Variants in ADCY5 observed in about 807,000 individuals in gnomAD.
ADCY5 encodes adenylate cyclase 5.
ADCY5 carries 30 observed loss-of-function variants against 119.7 expected under a neutral mutation model. That is an observed-to-expected ratio of 0.25 (90% CI 0.19 to 0.34). The LOEUF (loss-of-function observed/expected upper bound fraction) is 0.34, where lower values mean the gene tolerates loss of function less well. Among genes scored for constraint, ADCY5 ranks in the 10% least tolerant of loss-of-function variants. ADCY5 has a pLI of 1.00. For synonymous variants in ADCY5, 753 were observed against 762.2 expected (o/e 0.99, Z 0.20); for missense variants, 1,324 against 1,775.2 (o/e 0.75, Z 4.57).
intron 3 of ADCY5, among the ~76,000 whole-genome samples, chr3:123,345,565 G>T (rs1026724266): frequency 9.2e-5 from 14 of 152,158 alleles, no homozygotes; most frequent in South Asian, 2.1e-4. Flanking sequence ...GCTCGTATAT[G>T]TTGGGACCAC....
At chr3:123,442,790 C>T (rs1445709888) in intron 1 of ADCY5, among the ~76,000 whole-genome samples, 1 of 152,180 alleles carries the variant, frequency 6.6e-6, no homozygotes, top group Non-Finnish European at 1.5e-5. Flanking sequence ...CACTTCTGCT[C>T]TCCTCCAAAT....
At chr3:123,400,562 T>A (rs1451890665) in intron 1 of ADCY5, among the ~76,000 whole-genome samples, 1 of 152,170 alleles carries the variant, frequency 6.6e-6, no homozygotes, top group Non-Finnish European at 1.5e-5. Flanking sequence ...ATATGGTAAA[T>A]CCCTTTAATG....
chr3:123,409,466 A>C (rs767514966), intron 1 of ADCY5, among the ~76,000 whole-genome samples: 1 of 152,198 alleles, frequency 6.6e-6, no homozygotes, highest in Non-Finnish European at 1.5e-5. Flanking sequence ...TAAAGGTGGG[A>C]TGCAGCTTTC....
intron 1 of ADCY5, among the ~76,000 whole-genome samples, chr3:123,390,702 T>C (rs565688941): frequency 2.0e-5 from 3 of 152,176 alleles, no homozygotes; most frequent in African/African-American, 7.2e-5. Flanking sequence ...CATAATCCCA[T>C]GGTGATCCTG....
At chr3:123,313,289 G>A (rs919279266) in intron 12 of ADCY5, among the ~76,000 whole-genome samples, 3 of 152,214 alleles carry the variant, frequency 2.0e-5, no homozygotes, top group African/African-American at 7.2e-5. Flanking sequence ...TCTCTGGAGG[G>A]TGGAGAGAGA....
rs969688643 is a variant in ADCY5 at position 123,284,400 on chromosome 3, G to A, written c.*208C>T. ...GAGGGAAACATCTTTGGTCAGCTGG[G>A]TGCTCGCAGGACGCTGGCACCCCGG... On this transcript the variant is annotated 3_prime_UTR_variant, in exon 21 of 21. Coordinates refer to ENST00000462833, the MANE Select transcript of ADCY5 (RefSeq NM_183357.3). 6 of 670,144 alleles carry A rather than the reference G, an allele frequency of 9.0e-6. No homozygotes were observed. The African/African-American group carries it at 1.1e-4, about 12-fold the overall frequency. 41.5% of individuals were successfully genotyped at this position (670,144 alleles called of 1,614,324 possible).
At chr3:123,334,332 C>T (rs1941924682) in intron 3 of ADCY5, among the ~76,000 whole-genome samples, 2 of 152,182 alleles carry the variant, frequency 1.3e-5, no homozygotes, top group Non-Finnish European at 2.9e-5. Context: ...TGTGCTCCTT[C>T]CCAGGCACCT....
intron 12 of ADCY5, among the ~76,000 whole-genome samples, chr3:123,313,526 T>C (rs1940706580): frequency 6.6e-6 from 1 of 152,172 alleles, no homozygotes; most frequent in Admixed American, 6.5e-5. Context: ...CAGGGATTTC[T>C]GAAACCACTA....
rs59441110 is a variant in ADCY5 at position 123,348,036 on chromosome 3, AGTGT to A, written c.1285-137_1285-134del. 4.6e-3 allele frequency: 2,158 copies of A among 468,626 alleles called. 42 individuals are homozygous for A. Among genetic ancestry groups the A allele is most frequent in the African/African-American group, 0.042 (1,573 of 37,378 alleles). 29.0% of individuals were successfully genotyped at this position (468,626 alleles called of 1,614,324 possible). ...GCTCTCCCGGGACTCCTGGGTTAAC[AGTGT>A]GTGTGTGTGTGTGTGTGTGTGTGTC... On this transcript the variant is annotated intron_variant, in intron 2 of 20. Coordinates refer to ENST00000462833, the MANE Select transcript of ADCY5 (RefSeq NM_183357.3).
chr3:123,424,829 A>T (rs1442506269), intron 1 of ADCY5, among the ~76,000 whole-genome samples: 1 of 152,216 alleles, frequency 6.6e-6, no homozygotes, highest in East Asian at 1.9e-4. Context: ...GGGGAGCAAT[A>T]ATAGTTAATA....
chr3:123,316,529 G>A (rs1672683754), intron 11 of ADCY5, among the ~76,000 whole-genome samples: 1 of 152,212 alleles, frequency 6.6e-6, no homozygotes, highest in East Asian at 1.9e-4. Context: ...GATGCAGGAT[G>A]CACAGAATCC....
intron 18 of ADCY5, among the ~76,000 whole-genome samples, chr3:123,290,209 G>T (rs1316820770): frequency 6.6e-6 from 1 of 152,162 alleles, no homozygotes; most frequent in Non-Finnish European, 1.5e-5. Flanking sequence ...GAGCCCTGAA[G>T]ACAAGGTCAC....
chr3:123,446,472 T>C (rs977846850), intron 1 of ADCY5, among the ~76,000 whole-genome samples: 2 of 152,152 alleles, frequency 1.3e-5, no homozygotes, highest in African/African-American at 4.8e-5. Flanking sequence ...GAAGCAATCA[T>C]GGATGAGGAC....
intron 1 of ADCY5, among the ~76,000 whole-genome samples, chr3:123,401,568 A>G (rs1313031868): frequency 6.6e-6 from 1 of 152,232 alleles, no homozygotes; most frequent in Non-Finnish European, 1.5e-5. Flanking sequence ...GGCTACTAAC[A>G]GCTTTGCCCA....
At chr3:123,326,069 C>T (rs1941470078) in intron 7 of ADCY5, among the ~76,000 whole-genome samples, 2 of 152,166 alleles carry the variant, frequency 1.3e-5, no homozygotes, top group Admixed American at 1.3e-4. Flanking sequence ...CTGAAGTTGC[C>T]CAGGGGGTAC....
At chr3:123,419,202 A>C (rs2107634859) in intron 1 of ADCY5, 1 of 985,318 alleles carries the variant, frequency 1.0e-6, no homozygotes, top group Non-Finnish European at 1.2e-6. Flanking sequence ...CAGGCCCTCC[A>C]TGCATCTGAC....
Position 123,299,999 on chromosome 3 carries a change from G to A in ADCY5, c.2900+121C>T, listed in dbSNP as rs1939747572. On this transcript the variant is annotated intron_variant, in intron 15 of 20. Coordinates refer to ENST00000462833, the MANE Select transcript of ADCY5 (RefSeq NM_183357.3). ...GCCGTTTTCCAGATGTCAGGGCTGG[G>A]GAGGAACAAGATACTCTCCTCGCAA... is the stretch of plus-strand genomic sequence containing the variant. 3 of 1,094,720 alleles carry A rather than the reference G, an allele frequency of 2.7e-6. No homozygotes were observed. In the Admixed American group the frequency reaches 6.8e-5, roughly 25 times the overall value. 67.8% of individuals were successfully genotyped at this position (1,094,720 alleles called of 1,614,324 possible).
At chr3:123,325,240 G>T in intron 8 of ADCY5, 82 bp downstream of exon 8, 1 of 1,524,722 alleles carries the variant, frequency 6.6e-7, no homozygotes, top group Admixed American at 1.9e-5. Context: ...GGCAACACGA[G>T]GCATCTGGTG....
intron 17 of ADCY5, 138 bp from the exon 18 acceptor site, chr3:123,291,514 A>G: frequency 9.5e-7 from 1 of 1,053,850 alleles, no homozygotes. Context: ...GTTGGCAAGT[A>G]CCGCTGTCTC....
Sources: gnomAD v4.1 joint callset for allele counts (sites outside exome capture counted in the v4.1 genomes callset) on GRCh38, gnomAD v4.1.1 for gene constraint, MANE v1.5 for transcripts, NCBI Gene and HGNC (gene_info 2026-07-23, HGNC 2026-07-21) for gene names.